LARP1B: variants seen among roughly 807,000 people sequenced by gnomAD.
LARP1B encodes the protein la-related protein 1B.
LARP1B carries 76 observed loss-of-function variants against 114.2 expected under a neutral mutation model. The ratio of observed to expected loss-of-function variants is 0.67; its 90% CI spans 0.55 to 0.81. The LOEUF (loss-of-function observed/expected upper bound fraction) is 0.81. Among genes scored for constraint, LARP1B ranks in the 30% least tolerant of loss-of-function variants. The probability of loss-of-function intolerance (pLI) is 0.00; values close to 1 mark genes in which losing one functional copy is unlikely to be tolerated. For synonymous variants in LARP1B, 345 were observed against 348.0 expected, an observed-to-expected ratio of 0.99 and a Z score of 0.10; for missense variants, 1,014 against 1,075.8, an observed-to-expected ratio of 0.94 and a Z score of 0.80.
intron 1 of LARP1B, among the ~76,000 whole-genome samples, chr4:128,065,394 G>C (rs554341859): frequency 1.3e-5 from 1 of 77,740 alleles, no homozygotes; most frequent in African/African-American, 4.4e-5. Context: ...CTTTTTTCAA[G>C]AGATGGAGTC....
intron 5 of LARP1B, among the ~76,000 whole-genome samples, chr4:128,086,942 A>G (rs1773825342): frequency 6.6e-6 from 1 of 152,054 alleles, no homozygotes; most frequent in South Asian, 2.1e-4. Context: ...TCTTTACTGA[A>G]TGGTTTTACT....
At chr4:128,151,434 C>T (rs1325303481) in intron 11 of LARP1B, among the ~76,000 whole-genome samples, 1 of 152,156 alleles carries the variant, frequency 6.6e-6, no homozygotes, top group African/African-American at 2.4e-5. Context: ...AGGAATCACA[C>T]ATTGCCTTGA....
intron 5 of LARP1B, among the ~76,000 whole-genome samples, chr4:128,086,842 C>T (rs1271699369): frequency 6.6e-6 from 1 of 152,022 alleles, no homozygotes; most frequent in Non-Finnish European, 1.5e-5. Flanking sequence ...ACTCTGTCAC[C>T]CAGGCTGGAG....
intron 11 of LARP1B, among the ~76,000 whole-genome samples, chr4:128,159,506 T>C (rs150586751): frequency 2.4e-4 from 37 of 152,230 alleles, no homozygotes; most frequent in Non-Finnish European, 5.0e-4. Flanking sequence ...TTTAGATTCA[T>C]AGCAAAATTG....
intron 7 of LARP1B, 89 bp from the exon 8 acceptor site, chr4:128,098,097 A>T: frequency 1.0e-6 from 1 of 989,952 alleles, no homozygotes; most frequent in Non-Finnish European, 1.5e-6. Context: ...TTTTCATGTT[A>T]ATGATTGGTT....
At chr4:128,096,131 C>T (rs1489768663) in intron 7 of LARP1B, among the ~76,000 whole-genome samples, 1 of 151,930 alleles carries the variant, frequency 6.6e-6, no homozygotes, top group African/African-American at 2.4e-5. Context: ...GTAGCTGGCA[C>T]TACAGGCGCC....
At chr4:128,117,635 C>T (rs1252316988) in intron 10 of LARP1B, among the ~76,000 whole-genome samples, 2 of 151,574 alleles carry the variant, frequency 1.3e-5, no homozygotes, top group East Asian at 2.0e-4. Flanking sequence ...CCACCCGCCT[C>T]GGCCTCCCAA....
chr4:128,179,642 A>G, intron 15 of LARP1B, 130 bp downstream of exon 15: 1 of 513,134 alleles, frequency 1.9e-6, no homozygotes, highest in Non-Finnish European at 3.4e-6. Flanking sequence ...AAAATGGTAC[A>G]AAGAAGCCAA....
chr4:128,184,376 A>C lies in LARP1B; in HGVS notation c.2003+4864A>C, dbSNP rs1351904058. On this transcript the variant is annotated intron_variant, in intron 15 of 19. Coordinates refer to ENST00000326639, the MANE Select transcript of LARP1B (RefSeq NM_018078.4). The stretch of plus-strand genomic sequence containing the variant: ...AAAACCCTCCACCAGCAAAAAGACT[A>C]TGACTTGCTGAAGGCTCATATGACC... Among the ~76,000 whole-genome samples, 42 of 152,208 alleles carry C rather than the reference A, an allele frequency of 2.8e-4. 1 individual carries two copies. Among genetic ancestry groups the C allele is most frequent in the Non-Finnish European group, 4.4e-5 (3 of 68,038 alleles).
At chr4:128,174,829 A>G (rs1398838648) in intron 12 of LARP1B, among the ~76,000 whole-genome samples, 1 of 152,266 alleles carries the variant, frequency 6.6e-6, no homozygotes, top group Non-Finnish European at 1.5e-5. Flanking sequence ...ACAAGTATGT[A>G]TGTAAATTTT....
intron 7 of LARP1B, among the ~76,000 whole-genome samples, chr4:128,221,442 G>T (rs1308268425): frequency 1.3e-5 from 2 of 152,154 alleles, no homozygotes; most frequent in African/African-American, 4.8e-5. Flanking sequence ...TTTACAATAA[G>T]CCTGTTTTTT....
intron 5 of LARP1B, among the ~76,000 whole-genome samples, chr4:128,084,674 A>G (rs1045940055): frequency 1.8e-4 from 27 of 151,998 alleles, no homozygotes; most frequent in Admixed American, 3.9e-4. Flanking sequence ...AATTTATTCT[A>G]TCATTTTCTT....
intron 15 of LARP1B, among the ~76,000 whole-genome samples, chr4:128,189,077 A>T (rs1751321848): frequency 6.6e-6 from 1 of 152,062 alleles, no homozygotes; most frequent in African/African-American, 2.4e-5. Flanking sequence ...TCTGTCCATT[A>T]TTGAGAGATG....
chr4:128,133,015 T>G (rs1349386904), intron 11 of LARP1B, among the ~76,000 whole-genome samples: 3 of 152,086 alleles, frequency 2.0e-5, no homozygotes. Context: ...ATAGGGTTCA[T>G]GCTCCTATGA....
intron 15 of LARP1B, among the ~76,000 whole-genome samples, chr4:128,189,683 GTATC>G (rs1461223033): frequency 6.6e-6 from 1 of 151,908 alleles, no homozygotes; most frequent in Non-Finnish European, 1.5e-5. Flanking sequence ...TATTTTTAGT[GTATC>G]TATCATAAGT....
At chr4:128,203,765 A>G (rs1756773697) in intron 17 of LARP1B, among the ~76,000 whole-genome samples, 1 of 152,210 alleles carries the variant, frequency 6.6e-6, no homozygotes. Flanking sequence ...GAGAGAGCTA[A>G]CATCGCTTAC....
intron 2 of LARP1B, among the ~76,000 whole-genome samples, 162 bp from the exon 3 acceptor site, chr4:128,074,772 T>C (rs1329813752): frequency 6.6e-6 from 1 of 152,226 alleles, no homozygotes; most frequent in Non-Finnish European, 1.5e-5. Context: ...TTTCAAAATG[T>C]TCTATTGTTT....
chr4:128,092,353 C>T (rs986028600), intron 7 of LARP1B, among the ~76,000 whole-genome samples: 1 of 152,082 alleles, frequency 6.6e-6, no homozygotes. Flanking sequence ...AGATTTCTTA[C>T]TCTAGTTCTC....
chr4:128,084,176 A>G (rs1772256252), intron 5 of LARP1B, among the ~76,000 whole-genome samples: 1 of 151,496 alleles, frequency 6.6e-6, no homozygotes, highest in Non-Finnish European at 1.5e-5. Flanking sequence ...CACGTCCCAG[A>G]CAATGGGCGG....
Sources: gnomAD v4.1 joint callset for allele counts (sites outside exome capture counted in the v4.1 genomes callset) on GRCh38, gnomAD v4.1.1 for gene constraint, MANE v1.5 for transcripts, NCBI Gene and HGNC (gene_info 2026-07-23, HGNC 2026-07-21) for gene names.